The following ALDH6A1 variants were observed in gnomAD, a reference collection of about 807,000 sequenced individuals.
ALDH6A1 encodes the protein methylmalonate-semialdehyde/malonate-semialdehyde dehydrogenase [acylating], mitochondrial.
Under a neutral mutation model 62.6 loss-of-function variants are expected in ALDH6A1, and 43 were observed. The observed-to-expected ratio is 0.69, with a 90% CI of 0.54 to 0.89. ALDH6A1 has a LOEUF of 0.89. ALDH6A1 is among the 40% of genes least tolerant of loss of function. ALDH6A1 has a pLI of 0.00. For synonymous variants in ALDH6A1, 194 were observed against 234.2 expected (o/e 0.83, Z 1.57); for missense variants, 551 against 661.3 (o/e 0.83, Z 1.83).
chr14:74,077,268 G>A (rs1179170250), intron 1 of ALDH6A1, among the ~76,000 whole-genome samples: 3 of 152,094 alleles, frequency 2.0e-5, no homozygotes, highest in Non-Finnish European at 2.9e-5. Flanking sequence ...CCCAAACTAG[G>A]TTAAGAGGCC....
chr14:74,057,325 A>G lies in ALDH6A1; in HGVS notation c.*3317T>C. On this transcript the variant is annotated 3_prime_UTR_variant, in exon 12 of 12. Coordinates refer to ENST00000553458, the MANE Select transcript of ALDH6A1 (RefSeq NM_005589.4). ...ACCCTTCCCCATGTCGCTTCTTGCTAAATCACGGTTATTTTCTCTACTAGT... is the reference window on the plus strand; with the variant it reads ...ACCCTTCCCCATGTCGCTTCTTGCTGAATCACGGTTATTTTCTCTACTAGT... 6.2e-7 allele frequency: 1 copy of G among 1,605,730 alleles called. No individual in the cohort carries two copies. The highest frequency in any genetic ancestry group is 1.7e-5 in the Admixed American group (1 of 58,830).
chr14:74,064,912 C>G lies in ALDH6A1; in HGVS notation c.1413G>C (p.Val471=), dbSNP rs1271912078. 1.9e-6 allele frequency: 3 copies of G among 1,613,518 alleles called. No homozygotes were observed. The Admixed American group carries it at 5.0e-5, about 27-fold the overall frequency. The change falls in exon 11 of 12, where the codon GTG becomes GTC. Residue 471 remains valine (V), a synonymous_variant. Coordinates refer to ENST00000553458, the MANE Select transcript of ALDH6A1 (RefSeq NM_005589.4). ...GCAAAGGCACTGGAATGGGGACATT[C>G]ACTCCCACCTAAAACAGAACAAATC... The part of the protein sequence containing the change: ...AHLVDVGQVG[V]NVPIPVPLPM...
chr14:74,075,053 G>A (rs776154938), intron 1 of ALDH6A1, 36 bp from the exon 2 acceptor site: 14 of 1,601,032 alleles, frequency 8.7e-6, no homozygotes, highest in Admixed American at 1.7e-5. Context: ...TGATAAATGA[G>A]AGCAGAAAGT....
intron 8 of ALDH6A1, 65 bp from the exon 9 acceptor site, chr14:74,066,951 C>T: frequency 6.7e-7 from 1 of 1,498,558 alleles, no homozygotes; most frequent in Non-Finnish European, 9.3e-7. Context: ...TGCCAGGGCT[C>T]ATGCCTGTAA....
chr14:74,076,513 C>T (rs1312591249), intron 1 of ALDH6A1, among the ~76,000 whole-genome samples: 2 of 152,074 alleles, frequency 1.3e-5, no homozygotes, highest in East Asian at 3.9e-4. Flanking sequence ...AGGTGTCTGC[C>T]ACCACGCCCA....
At chr14:74,064,606 T>C (rs1409963382) in intron 11 of ALDH6A1, 7 of 1,386,970 alleles carry the variant, frequency 5.0e-6, no homozygotes. Context: ...CCCCATGCTC[T>C]TTCCTCAAAA....
At chr14:74,079,780 G>C (rs2060653321) in intron 1 of ALDH6A1, among the ~76,000 whole-genome samples, 1 of 152,130 alleles carries the variant, frequency 6.6e-6, no homozygotes. Flanking sequence ...TGTTGGCCAG[G>C]CTGGTCTTGA....
At chr14:74,066,982 A>G in intron 8 of ALDH6A1, 96 bp from the exon 9 acceptor site, 2 of 1,209,728 alleles carry the variant, frequency 1.7e-6, no homozygotes, top group South Asian at 1.2e-5. Flanking sequence ...TTAGGAGGCC[A>G]AGGCAGGAGG....
intron 11 of ALDH6A1, chr14:74,064,546 G>A (rs2060427075): frequency 1.3e-6 from 1 of 752,624 alleles, no homozygotes. Context: ...GGGAGAGATG[G>A]GGAAGAGGGT....
chr14:74,065,372 G>A lies in ALDH6A1; in HGVS notation c.1225-12C>T. 1.2e-6 allele frequency: 2 copies of A among 1,613,256 alleles called. No individual in the cohort carries two copies. The highest frequency in any genetic ancestry group is 1.7e-4 in the Middle Eastern group (1 of 5,926). On this transcript the variant is annotated splice_polypyrimidine_tract_variant and intron_variant, in intron 9 of 11. Coordinates refer to ENST00000553458, the MANE Select transcript of ALDH6A1 (RefSeq NM_005589.4). ...CAGGTCATATTTGGCTGCCAGGAGT[G>A]ATGCATCCAGAAAAGAAGTCAGCTT... is the stretch of plus-strand genomic sequence containing the variant.
chr14:74,068,783 C>G, intron 7 of ALDH6A1, 77 bp downstream of exon 7: 1 of 1,535,776 alleles, frequency 6.5e-7, no homozygotes, highest in Non-Finnish European at 9.0e-7. Context: ...GATGAGTGGC[C>G]TCTCTGCTGA....
chr14:74,062,280 A>G (rs2060363521), intron 11 of ALDH6A1, among the ~76,000 whole-genome samples: 1 of 152,054 alleles, frequency 6.6e-6, no homozygotes, highest in Admixed American at 6.6e-5. Flanking sequence ...AAGAAATGTT[A>G]CTAGTATCAA....
In ALDH6A1 at chr14:74,065,469, A is replaced by G. The variant is rs370079864; in HGVS notation, c.1225-109T>C. On this transcript the variant is annotated intron_variant, in intron 9 of 11. Coordinates refer to ENST00000553458, the MANE Select transcript of ALDH6A1 (RefSeq NM_005589.4). The stretch of plus-strand genomic sequence containing the variant: ...CACATCATTTACGTGGACAACTTTC[A>G]TATTACTAATCTCTTTTCATTTCAA... 9.8e-5 allele frequency: 96 copies of G among 976,218 alleles called. 1 individual carries two copies. In the South Asian group the frequency reaches 1.3e-3, roughly 13 times the overall value. 60.5% of individuals were successfully genotyped at this position (976,218 alleles called of 1,614,324 possible). A position where few individuals can be genotyped will look rare whatever the true frequency, so the allele number is the denominator to read the frequency against.
At position 74,057,098 on chromosome 14, in the gene ALDH6A1, T is replaced by C. The variant is rs1039553213; in HGVS notation, c.*3544A>G. ...GTCTGTTATTCTAAACCAGGTTTCA[T>C]GTGTGTAGAGTTGTTGACGGTTCTG... On this transcript the variant is annotated 3_prime_UTR_variant, in exon 12 of 12. Coordinates refer to ENST00000553458, the MANE Select transcript of ALDH6A1 (RefSeq NM_005589.4). 60 of 1,601,556 alleles carry C rather than the reference T, an allele frequency of 3.7e-5. No individual in the cohort carries two copies. Among genetic ancestry groups the C allele is most frequent in the Non-Finnish European group, 4.8e-5 (56 of 1,172,746 alleles).
chr14:74,069,646 G>A (rs57257247), intron 6 of ALDH6A1, among the ~76,000 whole-genome samples: 1 of 151,482 alleles, frequency 6.6e-6, no homozygotes, highest in African/African-American at 2.4e-5. Context: ...CCAGCTACTT[G>A]GGAGTCTGAG....
chr14:74,064,309 A>AAT (rs1555376469), intron 11 of ALDH6A1, among the ~76,000 whole-genome samples: 70 of 148,774 alleles, frequency 4.7e-4, no homozygotes, highest in African/African-American at 1.6e-3. Flanking sequence ...AAAAAAAAAA[A>AAT]AATAATAATA....
At chr14:74,075,080 A>T (rs2060597337) in intron 1 of ALDH6A1, 63 bp from the exon 2 acceptor site, 1 of 1,469,892 alleles carries the variant, frequency 6.8e-7, no homozygotes. Context: ...AAATTTAGCA[A>T]ATAGCTACTA....
rs763961151 is a variant in ALDH6A1, at chr14:74,059,448, C to A, written c.*1194G>T. On this transcript the variant is annotated 3_prime_UTR_variant, in exon 12 of 12. Transcript: ENST00000553458. ...TGGTGGCTCATGCCTGTAATCCCAG[C>A]ACTTTGGGAGGCCGAGGCAGGCGGA... 7 of 452,622 alleles carry A rather than the reference C, an allele frequency of 1.5e-5. No individual in the cohort carries two copies. The highest frequency in any genetic ancestry group is 1.1e-4 in the South Asian group (7 of 63,872). 28.0% of individuals were successfully genotyped at this position (452,622 alleles called of 1,614,324 possible).
rs748673316 is a variant in ALDH6A1 at position 74,068,895 on chromosome 14, C to T, written c.817G>A (p.Gly273Arg). 6.2e-7 allele frequency: 1 copy of T among 1,613,970 alleles called. No individual in the cohort carries two copies. Among genetic ancestry groups the T allele is most frequent in the Non-Finnish European group, 8.5e-7 (1 of 1,179,952 alleles). ...NKAGEYIFER[G>R]SRHGKRVQAN... Reference sequence around the variant, plus strand: ...TGAACCCTCTTGCCATGTCTTGATCCTCTCTCGAAGATATACTCTCCTGCC... The same window carrying T: ...TGAACCCTCTTGCCATGTCTTGATCTTCTCTCGAAGATATACTCTCCTGCC... The change falls in exon 7 of 12, where the codon GGA becomes AGA. Residue 273 changes from glycine to arginine, a missense_variant. By Grantham distance (125) the Gly-to-Arg change is moderately radical. Coordinates refer to ENST00000553458, the MANE Select transcript of ALDH6A1 (RefSeq NM_005589.4).
Sources: allele counts gnomAD v4.1 joint callset (sites outside exome capture counted in the v4.1 genomes callset), GRCh38; gene constraint gnomAD v4.1.1; transcripts MANE v1.5; gene names NCBI Gene and HGNC (gene_info 2026-07-23, HGNC 2026-07-21).